Variants in MPDZ observed in about 807,000 individuals in gnomAD.
The protein encoded by MPDZ is multiple PDZ domain crumbs cell polarity complex component, also known as multiple PDZ domain protein.
MPDZ carries 234 observed loss-of-function variants against 239.1 expected under a neutral mutation model. That is an observed-to-expected ratio of 0.98 (90% CI 0.88 to 1.09). The LOEUF (loss-of-function observed/expected upper bound fraction) is 1.09, where lower values mean the gene tolerates loss of function less well. Ranked by LOEUF, MPDZ falls within the 50% of genes least tolerant of loss-of-function variation. The probability of loss-of-function intolerance (pLI) is 0.00; values close to 1 mark genes in which losing one functional copy is unlikely to be tolerated. For synonymous variants in MPDZ, 1,048 were observed against 881.3 expected (o/e 1.19, Z -3.35); for missense variants, 3,175 against 2,510.0 (o/e 1.26, Z -5.66).
intron 7 of MPDZ, 69 bp downstream of exon 7, chr9:13,221,303 A>G (rs141630257): frequency 1.4e-6 from 2 of 1,422,352 alleles, no homozygotes; most frequent in East Asian, 5.0e-5. Context: ...TCTTTCCAAC[A>G]AAAAAATGTA....
intron 21 of MPDZ, among the ~76,000 whole-genome samples, chr9:13,172,486 G>T (rs553882212): frequency 3.3e-5 from 5 of 151,846 alleles, no homozygotes; most frequent in African/African-American, 1.2e-4. Context: ...GAGTTCAAGG[G>T]ATTCTCCTGC....
At chr9:13,196,080 C>G (rs1452437477) in intron 13 of MPDZ, 41 bp downstream of exon 13, 2 of 1,337,826 alleles carry the variant, frequency 1.5e-6, no homozygotes, top group South Asian at 2.5e-5. Flanking sequence ...TGCTCAAATA[C>G]AGTTACAAGT....
chr9:13,158,416 C>G (rs545616267), intron 23 of MPDZ, among the ~76,000 whole-genome samples: 1 of 152,118 alleles, frequency 6.6e-6, no homozygotes, highest in East Asian at 1.9e-4. Flanking sequence ...GGATAAATAC[C>G]AAGTTTGTAA....
intron 39 of MPDZ, among the ~76,000 whole-genome samples, chr9:13,117,326 T>C (rs1318763067): frequency 6.6e-6 from 1 of 151,998 alleles, no homozygotes; most frequent in Non-Finnish European, 1.5e-5. Flanking sequence ...AGTCAGGAGA[T>C]TGAGACCATC....
intron 22 of MPDZ, chr9:13,165,273 T>C (rs1481863732): frequency 9.0e-6 from 11 of 1,216,964 alleles, no homozygotes; most frequent in Non-Finnish European, 1.3e-5. Flanking sequence ...TCTGGATCTA[T>C]TCTTGCATTG....
At chr9:13,254,078 T>TC (rs1968801431) in intron 1 of MPDZ, among the ~76,000 whole-genome samples, 1 of 152,188 alleles carries the variant, frequency 6.6e-6, no homozygotes, top group Non-Finnish European at 1.5e-5. Context: ...AGATTTAACT[T>TC]CCCTGTTTCC....
chr9:13,175,973 T>A (rs749154679), intron 20 of MPDZ, 98 bp from the exon 21 acceptor site: 19 of 1,462,480 alleles, frequency 1.3e-5, no homozygotes, highest in Non-Finnish European at 1.7e-5. Flanking sequence ...TTGATTGTGC[T>A]TTATTTTGCA....
chr9:13,244,261 C>G (rs911196493), intron 3 of MPDZ, among the ~76,000 whole-genome samples: 1 of 152,170 alleles, frequency 6.6e-6, no homozygotes, highest in Non-Finnish European at 1.5e-5. Context: ...TCAAGGCTGA[C>G]AAGTTTCTAT....
At chr9:13,256,079 T>C (rs1025759350) in intron 1 of MPDZ, among the ~76,000 whole-genome samples, 11 of 152,208 alleles carry the variant, frequency 7.2e-5, no homozygotes, top group Non-Finnish European at 1.5e-4. Flanking sequence ...ACATGAGCAC[T>C]TGCTGCTTCA....
chr9:13,269,269 G>A (rs1205632963), intron 1 of MPDZ, among the ~76,000 whole-genome samples: 1 of 152,152 alleles, frequency 6.6e-6, no homozygotes, highest in Non-Finnish European at 1.5e-5. Context: ...TGGTTTTAGA[G>A]GAAAGAGAAA....
intron 1 of MPDZ, among the ~76,000 whole-genome samples, chr9:13,266,407 T>A (rs1971801911): frequency 6.6e-6 from 1 of 152,252 alleles, no homozygotes; most frequent in Non-Finnish European, 1.5e-5. Context: ...GTACCACAGA[T>A]GCATGTACTG....
chr9:13,237,301 A>C (rs540404888), intron 3 of MPDZ, among the ~76,000 whole-genome samples: 1 of 151,762 alleles, frequency 6.6e-6, no homozygotes, highest in Non-Finnish European at 1.5e-5. Context: ...TTGCCTGGCT[A>C]GTGGCACACA....
chr9:13,226,806 AGAAGAAT>A (rs949490330), intron 3 of MPDZ, among the ~76,000 whole-genome samples: 3 of 152,142 alleles, frequency 2.0e-5, no homozygotes, highest in Non-Finnish European at 4.4e-5. Flanking sequence ...CTCGTTCTCT[AGAAGAAT>A]GCCTTATACA....
rs780936442 is a variant in MPDZ, at chr9:13,219,605, A to C, written c.1040T>G (p.Leu347Trp). ...TGGGGATGAGGAGAGGGTGATGCCC[A>C]AAGCAGTGGGTGCTGTACGTTCTTC... is the stretch of plus-strand genomic sequence containing the variant. ...AIEERTAPTA[L>W]GITLSSSPTS... The change falls in exon 8 of 47, where the codon TTG becomes TGG. Residue 347 changes from leucine to tryptophan, a missense_variant. Leu to Trp is a moderately conservative substitution (Grantham distance 61). Transcript: ENST00000319217. 4 of 1,612,248 alleles carry C rather than the reference A, an allele frequency of 2.5e-6. No individual in the cohort carries two copies. Among genetic ancestry groups the C allele is most frequent in the Non-Finnish European group, 3.4e-6 (4 of 1,179,064 alleles).
intron 26 of MPDZ, among the ~76,000 whole-genome samples, chr9:13,144,098 A>T (rs181120932): frequency 1.3e-5 from 2 of 152,064 alleles, no homozygotes; most frequent in African/African-American, 4.8e-5. Flanking sequence ...AGTGCTTCAG[A>T]GCAATTGTAT....
chr9:13,120,648 C>G (rs1219732946), intron 38 of MPDZ: 1 of 152,196 alleles, frequency 6.6e-6, no homozygotes, highest in African/African-American at 2.4e-5. Context: ...TAGCCTTTAG[C>G]TGTCTCTGAG....
chr9:13,164,608 A>G (rs1260214273), intron 22 of MPDZ, among the ~76,000 whole-genome samples: 1 of 152,174 alleles, frequency 6.6e-6, no homozygotes. Flanking sequence ...GAAGGTAAAG[A>G]TGTTTCCATC....
Position 13,183,411 on chromosome 9 carries a change from T to G in MPDZ, c.2649+7A>C. The G allele has an allele frequency of 6.3e-7, 1 of 1,592,256 alleles. No homozygotes were observed. The highest frequency in any genetic ancestry group is 8.5e-7 in the Non-Finnish European group (1 of 1,173,002). ...CTATAAAAGAAAAATTGGCTTTTCC[T>G]TTGTACCTTAGGAGGAGATGATGGA... On this transcript the variant is annotated splice_region_variant and intron_variant, in intron 19 of 46. Transcript: ENST00000319217.
chr9:13,236,753 T>C (rs1243411977), intron 3 of MPDZ, among the ~76,000 whole-genome samples: 2 of 152,062 alleles, frequency 1.3e-5, no homozygotes, highest in South Asian at 2.1e-4. Flanking sequence ...AGTTAAAACA[T>C]AGTTTTGTTT....
Sources: gnomAD v4.1 joint callset for allele counts (sites outside exome capture counted in the v4.1 genomes callset) on GRCh38, gnomAD v4.1.1 for gene constraint, MANE v1.5 for transcripts, NCBI Gene and HGNC (gene_info 2026-07-23, HGNC 2026-07-21) for gene names.